Variants in GADL1 observed in about 807,000 individuals in gnomAD.
GADL1 encodes acidic amino acid decarboxylase GADL1.
A neutral mutation model predicts 69.5 loss-of-function variants in GADL1; 71 were observed. The ratio of observed to expected loss-of-function variants is 1.02; its 90% CI spans 0.84 to 1.25. The LOEUF is 1.25. GADL1 is among the 50% of genes most tolerant of loss of function. GADL1 has a pLI of 0.00. For missense variants in GADL1, 737 were observed against 631.8 expected, an observed-to-expected ratio of 1.17 and a Z score of -1.79; for synonymous variants, 254 against 214.4, an observed-to-expected ratio of 1.18 and a Z score of -1.62.
At chr3:30,874,499 G>T (rs1016854280) in intron 1 of GADL1, among the ~76,000 whole-genome samples, 4 of 151,858 alleles carry the variant, frequency 2.6e-5, no homozygotes, top group African/African-American at 2.4e-5. Flanking sequence ...AAGATTTTGG[G>T]ATCTTAGAGC....
chr3:30,740,221 G>A (rs923716634), intron 14 of GADL1, among the ~76,000 whole-genome samples: 1 of 152,150 alleles, frequency 6.6e-6, no homozygotes, highest in Non-Finnish European at 1.5e-5. Flanking sequence ...GGCAAAAAGG[G>A]CTCTGGTATT....
chr3:30,822,937 T>G (rs866381591), intron 11 of GADL1, among the ~76,000 whole-genome samples: 20 of 151,994 alleles, frequency 1.3e-4, no homozygotes, highest in East Asian at 1.2e-3. Flanking sequence ...AATGAAAGGC[T>G]GAATAAACAA....
rs1251183881 is a variant in GADL1 at position 30,800,952 on chromosome 3, G to A, written c.1187C>T (p.Thr396Ile). ...GCCTAATGTACCCAGGGCCTTCCAG[G>A]TCATCCAGAACTTGAATGCATCTGG... Reference protein sequence around the residue: ...RRPDAFKFWMTWKALGTLGLE... With the variant: ...RRPDAFKFWMIWKALGTLGLE... Residue 396 changes from threonine (T) to isoleucine (I), a missense_variant, in exon 12 of 15, where the codon ACC becomes ATC. Physicochemically the swap from Thr to Ile is moderately conservative, Grantham distance 89 (BLOSUM62 -1). Transcript: ENST00000282538. The A allele has an allele frequency of 1.9e-6, 3 of 1,613,492 alleles. No homozygotes were observed. Among genetic ancestry groups the A allele is most frequent in the South Asian group, 2.2e-5 (2 of 91,056 alleles).
intron 14 of GADL1, among the ~76,000 whole-genome samples, chr3:30,732,955 G>A (rs1190719314): frequency 6.6e-6 from 1 of 152,100 alleles, no homozygotes; most frequent in Non-Finnish European, 1.5e-5. Flanking sequence ...TACTAGGGAG[G>A]CTGCGGCACG....
At chr3:30,769,531 C>T (rs1432907214) in intron 14 of GADL1, among the ~76,000 whole-genome samples, 1 of 143,652 alleles carries the variant, frequency 7.0e-6, no homozygotes, top group Non-Finnish European at 1.5e-5. Flanking sequence ...CTCTTTGTCT[C>T]CTCTATGGTC....
intron 12 of GADL1, among the ~76,000 whole-genome samples, chr3:30,790,990 T>C (rs1270155310): frequency 6.6e-6 from 1 of 151,042 alleles, no homozygotes; most frequent in African/African-American, 2.4e-5. Context: ...TTTGATTCAA[T>C]TTTTACACTT....
At chr3:30,743,028 C>T (rs1016579697) in intron 14 of GADL1, among the ~76,000 whole-genome samples, 36 of 151,950 alleles carry the variant, frequency 2.4e-4, no homozygotes, top group African/African-American at 8.7e-4. Context: ...GCTGACTAAT[C>T]CATCTCCTCA....
intron 1 of GADL1, among the ~76,000 whole-genome samples, chr3:30,881,152 T>C (rs1227317444): frequency 1.3e-5 from 2 of 152,082 alleles, no homozygotes; most frequent in African/African-American, 4.8e-5. Flanking sequence ...AGCAATAAAA[T>C]ATTATCAGCT....
chr3:30,827,220 T>C (rs1169856203), intron 11 of GADL1, among the ~76,000 whole-genome samples: 1 of 151,194 alleles, frequency 6.6e-6, no homozygotes, highest in African/African-American at 2.4e-5. Flanking sequence ...TTATACTCAG[T>C]AGTAGAGCGA....
intron 1 of GADL1, among the ~76,000 whole-genome samples, chr3:30,862,073 AT>A (rs771220520): frequency 2.0e-5 from 3 of 151,908 alleles, no homozygotes; most frequent in Non-Finnish European, 4.4e-5. Flanking sequence ...TTCAGGTCTG[AT>A]GGGGAAAGGT....
At chr3:30,839,529 G>GAAAAAAAAAAAAAAAAAA (rs1491390714) in intron 8 of GADL1, among the ~76,000 whole-genome samples, 1 of 133,826 alleles carries the variant, frequency 7.5e-6, no homozygotes, top group African/African-American at 2.9e-5. Context: ...AAAAAAAAAG[G>GAAAAAAAAAAAAAAAAAA]TTGGAAGACA....
At chr3:30,774,439 A>G (rs921681701) in intron 14 of GADL1, among the ~76,000 whole-genome samples, 12 of 152,194 alleles carry the variant, frequency 7.9e-5, no homozygotes, top group African/African-American at 2.9e-4. Flanking sequence ...TGATTTCTTC[A>G]GAGTATTCGC....
chr3:30,849,305 C>G (rs1698108100), intron 6 of GADL1, among the ~76,000 whole-genome samples: 1 of 152,066 alleles, frequency 6.6e-6, no homozygotes, highest in African/African-American at 2.4e-5. Context: ...AATGATAACT[C>G]TATATTTGGG....
chr3:30,822,416 G>T (rs889264107), intron 11 of GADL1, among the ~76,000 whole-genome samples: 1 of 152,022 alleles, frequency 6.6e-6, no homozygotes, highest in Non-Finnish European at 1.5e-5. Flanking sequence ...AGCTGCTTTC[G>T]TGGTAATGAT....
chr3:30,800,790 A>G, intron 12 of GADL1, 99 bp downstream of exon 12: 1 of 991,294 alleles, frequency 1.0e-6, no homozygotes, highest in South Asian at 1.4e-5. Context: ...AGGTCTTCCT[A>G]TTACAGACAC....
At chr3:30,861,844 C>G (rs1171514606) in intron 1 of GADL1, 79 bp from the exon 2 acceptor site, 1 of 828,976 alleles carries the variant, frequency 1.2e-6, no homozygotes, top group East Asian at 2.9e-5. Flanking sequence ...AAATGCATCA[C>G]TATCCCAGCT....
At chr3:30,803,079 G>C (rs1258672800) in intron 11 of GADL1, among the ~76,000 whole-genome samples, 1 of 152,166 alleles carries the variant, frequency 6.6e-6, no homozygotes, top group Non-Finnish European at 1.5e-5. Flanking sequence ...GCAACACAGT[G>C]GGACCCTGTC....
intron 2 of GADL1, among the ~76,000 whole-genome samples, chr3:30,858,453 T>C (rs1698261326): frequency 6.6e-6 from 1 of 152,044 alleles, no homozygotes; most frequent in South Asian, 2.1e-4. Context: ...GGTGATGATC[T>C]GGATGACAGT....
chr3:30,824,876 T>A (rs1379709339), intron 11 of GADL1, among the ~76,000 whole-genome samples: 1 of 151,938 alleles, frequency 6.6e-6, no homozygotes, highest in Non-Finnish European at 1.5e-5. Context: ...GTTCACATTA[T>A]AATAAATCAA....
Sources: gnomAD v4.1 joint callset for allele counts (sites outside exome capture counted in the v4.1 genomes callset) on GRCh38, gnomAD v4.1.1 for gene constraint, MANE v1.5 for transcripts, NCBI Gene and HGNC (gene_info 2026-07-23, HGNC 2026-07-21) for gene names.